Variants in CACNA1C observed in about 807,000 individuals in gnomAD.
The protein encoded by CACNA1C is calcium voltage-gated channel subunit alpha1 C, also known as voltage-dependent L-type calcium channel subunit alpha-1C.
A neutral mutation model predicts 229.0 loss-of-function variants in CACNA1C; 30 were observed. That is an observed-to-expected ratio of 0.13 (90% CI 0.10 to 0.18). The LOEUF (loss-of-function observed/expected upper bound fraction) is 0.18, where lower values mean the gene tolerates loss of function less well. Among genes scored for constraint, CACNA1C ranks in the 10% least tolerant of loss-of-function variants. The pLI is 1.00. For missense variants in CACNA1C, 1,658 were observed against 2,845.0 expected (o/e 0.58, Z 9.49); for synonymous variants, 1,114 against 1,132.5 (o/e 0.98, Z 0.33).
chr12:2,265,845 C>T (rs2082190649), intron 3 of CACNA1C, among the ~76,000 whole-genome samples: 1 of 152,216 alleles, frequency 6.6e-6, no homozygotes, highest in Non-Finnish European at 1.5e-5. Flanking sequence ...TCTGGAGCCC[C>T]TTTTGGCTCA....
intron 1 of CACNA1C, among the ~76,000 whole-genome samples, chr12:1,983,475 T>C (rs556215825): frequency 6.6e-6 from 1 of 152,164 alleles, no homozygotes; most frequent in African/African-American, 2.4e-5. Context: ...TCTTTCTTCT[T>C]TGACATGACT....
rs998215006 is a variant in CACNA1C, at chr12:2,285,224, A to G, written c.478-163752A>G. ...TGGGTCAAGCGGGTGGGAAGGGCTC[A>G]TGATTGCTGACTGAACTCAACCCTT... On this transcript the variant is annotated intron_variant, in intron 3 of 46. Coordinates refer to ENST00000399655, the MANE Select transcript of CACNA1C (RefSeq NM_000719.7). The surrounding 1 kb of genome is among the most constrained non-coding windows in gnomAD (Gnocchi z 4.2). Among the ~76,000 whole-genome samples, 3 of 152,204 alleles carry G rather than the reference A, an allele frequency of 2.0e-5. No individual in the cohort carries two copies. Among genetic ancestry groups the G allele is most frequent in the African/African-American group, 7.2e-5 (3 of 41,442 alleles).
At chr12:2,524,778 C>A (rs867541449) in intron 9 of CACNA1C, among the ~76,000 whole-genome samples, 6 of 152,170 alleles carry the variant, frequency 3.9e-5, no homozygotes, top group African/African-American at 1.4e-4. Context: ...GCATTGCTCG[C>A]GACACACCAT....
intron 21 of CACNA1C, among the ~76,000 whole-genome samples, chr12:2,598,719 TTGA>T (rs2070089105): frequency 6.6e-6 from 1 of 152,222 alleles, no homozygotes; most frequent in Non-Finnish European, 1.5e-5. Context: ...GCCCAGCCTG[TTGA>T]TGGACAGGAC....
intron 11 of CACNA1C, among the ~76,000 whole-genome samples, chr12:2,561,789 T>C (rs2047625228): frequency 6.6e-6 from 1 of 152,234 alleles, no homozygotes; most frequent in Admixed American, 6.5e-5. Context: ...CCCTCTCTCC[T>C]GTGTCTACAT....
chr12:2,161,514 C>G (rs1356238069), intron 3 of CACNA1C, among the ~76,000 whole-genome samples: 1 of 152,166 alleles, frequency 6.6e-6, no homozygotes, highest in Non-Finnish European at 1.5e-5. Flanking sequence ...CAATCCAGAC[C>G]CCATCACAGA....
intron 9 of CACNA1C, among the ~76,000 whole-genome samples, chr12:2,518,898 C>T (rs1197736449): frequency 6.6e-6 from 1 of 152,184 alleles, no homozygotes; most frequent in Non-Finnish European, 1.5e-5. Flanking sequence ...AATCAGAGCC[C>T]TGGAAACTTT....
chr12:2,062,102 C>G (rs2057719478), intron 1 of CACNA1C, among the ~76,000 whole-genome samples: 2 of 152,198 alleles, frequency 1.3e-5, no homozygotes. Flanking sequence ...GTTCTACCCC[C>G]AGCTCTGGTC....
At chr12:2,022,663 T>G (rs940143065) in intron 1 of CACNA1C, among the ~76,000 whole-genome samples, 1 of 152,082 alleles carries the variant, frequency 6.6e-6, no homozygotes, top group Non-Finnish European at 1.5e-5. Flanking sequence ...CAGTCTGGTC[T>G]CAAACTCCTG....
chr12:2,504,363 C>T lies in CACNA1C; in HGVS notation c.1114-479C>T, dbSNP rs1030566256. Reference sequence around the variant, plus strand: ...CCCGTCTGTCCCCTCCCAATCTGCTCACACCTGCTGCCTGCCTCTTTGCTG... The same window carrying T: ...CCCGTCTGTCCCCTCCCAATCTGCTTACACCTGCTGCCTGCCTCTTTGCTG... On this transcript the variant is annotated intron_variant, in intron 7 of 46. Transcript: ENST00000399655. The surrounding 1 kb of genome is among the most constrained non-coding windows in gnomAD (Gnocchi z 6.8). 4 of 849,212 alleles carry T rather than the reference C, an allele frequency of 4.7e-6. No homozygotes were observed. The highest frequency in any genetic ancestry group is 8.2e-6 in the Non-Finnish European group (4 of 489,952). The allele number at this position is 849,212 out of a possible 1,614,324, so 52.6% of individuals were successfully genotyped here.
rs1381642378 is a variant in CACNA1C at position 1,976,574 on chromosome 12, T to C, written c.139+5373T>C. Among the ~76,000 whole-genome samples, 3 of 152,184 alleles carry C rather than the reference T, an allele frequency of 2.0e-5. No individual in the cohort carries two copies. The South Asian group carries it at 6.2e-4, about 31-fold the overall frequency. On this transcript the variant is annotated intron_variant, in intron 1 of 46. Coordinates refer to the CACNA1C transcript ENST00000682462. Reference sequence around the variant, plus strand: ...AGTCTACTTTAAGGTCTTGTCTTCCTGGGCAGATCCCGAAGAGAAATGTAT... The same window carrying C: ...AGTCTACTTTAAGGTCTTGTCTTCCCGGGCAGATCCCGAAGAGAAATGTAT...
At chr12:2,573,012 C>T (rs1268814343) in intron 13 of CACNA1C, among the ~76,000 whole-genome samples, 3 of 149,816 alleles carry the variant, frequency 2.0e-5, no homozygotes, top group African/African-American at 7.4e-5. Context: ...TCTTCTCCTC[C>T]TCCTCCTCCT....
At chr12:2,470,240 A>G (rs2099583618) in intron 5 of CACNA1C, among the ~76,000 whole-genome samples, 1 of 152,224 alleles carries the variant, frequency 6.6e-6, no homozygotes, top group Non-Finnish European at 1.5e-5. Context: ...AATCATCACA[A>G]GAGACAAGAG....
At chr12:2,598,229 G>A (rs2069568204) in intron 21 of CACNA1C, among the ~76,000 whole-genome samples, 1 of 152,150 alleles carries the variant, frequency 6.6e-6, no homozygotes, top group Non-Finnish European at 1.5e-5. Flanking sequence ...CAAGGAACCT[G>A]AGCACCCAGC....
intron 3 of CACNA1C, among the ~76,000 whole-genome samples, chr12:2,419,326 A>C (rs1026044026): frequency 6.6e-6 from 1 of 152,034 alleles, no homozygotes; most frequent in East Asian, 1.9e-4. Context: ...AGAGAGAGGG[A>C]GGGAGGAGGT....
Position 2,693,610 on chromosome 12 carries a change from G to A in CACNA1C, c.*2411G>A, listed in dbSNP as rs375914596. 1.3e-5 allele frequency: 2 copies of A among 152,224 alleles called. No individual in the cohort carries two copies. Among genetic ancestry groups the A allele is most frequent in the Non-Finnish European group, 2.9e-5 (2 of 68,088 alleles). The allele number at this position is 152,224 out of a possible 1,614,324, so 9.4% of individuals were successfully genotyped here. On this transcript the variant is annotated 3_prime_UTR_variant, in exon 47 of 47. Coordinates refer to ENST00000399655, the MANE Select transcript of CACNA1C (RefSeq NM_000719.7). ...TTGCCCTAATGTTTGGGCTGCCGGG[G>A]AGGGGGCCAGGACAAGGGAAGAGGC...
At chr12:2,172,402 C>T (rs2096521935) in intron 3 of CACNA1C, among the ~76,000 whole-genome samples, 1 of 152,200 alleles carries the variant, frequency 6.6e-6, no homozygotes, top group Non-Finnish European at 1.5e-5. Context: ...TAGTAATGTG[C>T]TTGTCCAATA....
At chr12:2,307,341 G>C (rs965755707) in intron 3 of CACNA1C, among the ~76,000 whole-genome samples, 1 of 152,196 alleles carries the variant, frequency 6.6e-6, no homozygotes, top group Non-Finnish European at 1.5e-5. Flanking sequence ...TGCTGATGTA[G>C]TTTAACCTCC....
chr12:2,386,090 G>C (rs1324615595), intron 3 of CACNA1C, among the ~76,000 whole-genome samples: 4 of 152,172 alleles, frequency 2.6e-5, no homozygotes, highest in Admixed American at 2.6e-4. Flanking sequence ...TGTATCTGCT[G>C]GGTGGAAATA....
Sources: allele counts gnomAD v4.1 joint callset (sites outside exome capture counted in the v4.1 genomes callset), GRCh38; gene constraint gnomAD v4.1.1; non-coding constraint Gnocchi (gnomAD v3.1); transcripts MANE v1.5; gene names NCBI Gene and HGNC (gene_info 2026-07-23, HGNC 2026-07-21).